SYN3: variants seen among roughly 807,000 people sequenced by gnomAD.
SYN3 encodes the protein synapsin III, also known as synapsin-3.
Under a neutral mutation model 65.8 loss-of-function variants are expected in SYN3, and 35 were observed. That is an observed-to-expected ratio of 0.53 (90% CI 0.41 to 0.70). The LOEUF is 0.70. SYN3 is among the 30% of genes least tolerant of loss of function. SYN3 has a pLI of 0.00. For missense variants in SYN3, 680 were observed against 749.0 expected (o/e 0.91, Z 1.08); for synonymous variants, 270 against 292.9 (o/e 0.92, Z 0.80).
In SYN3 at chr22:32,513,776, C is replaced by G; in HGVS notation, c.1659G>C (p.Gln553His). ...CCTCGTCTTCACTTGGGGTCCCACG[C>G]TGGGAGGTGTCGGATGTGCTGAGGC... is the stretch of plus-strand genomic sequence containing the variant. ...TNSLSTSDTS[Q>H]RGTPSEDEAK... The change falls in exon 14 of 14, where the codon CAG becomes CAC. Residue 553 changes from glutamine to histidine, a missense_variant. Coordinates refer to ENST00000358763, the MANE Select transcript of SYN3 (RefSeq NM_003490.4). 6.2e-7 allele frequency: 1 copy of G among 1,614,152 alleles called. No homozygotes were observed.
At chr22:32,854,872 C>T (rs2048322136) in intron 6 of SYN3, among the ~76,000 whole-genome samples, 1 of 151,984 alleles carries the variant, frequency 6.6e-6, no homozygotes, top group African/African-American at 2.4e-5. Flanking sequence ...GCAGGGGCGC[C>T]CAAACTCAGT....
intron 7 of SYN3, among the ~76,000 whole-genome samples, chr22:32,568,519 G>C (rs867148102): frequency 6.6e-6 from 1 of 152,176 alleles, no homozygotes; most frequent in African/African-American, 2.4e-5. Context: ...ATTTCTTACT[G>C]TTCTGGAGGC....
intron 6 of SYN3, among the ~76,000 whole-genome samples, chr22:32,849,294 A>T (rs1159597594): frequency 6.6e-6 from 1 of 152,122 alleles, no homozygotes; most frequent in African/African-American, 2.4e-5. Context: ...CACCCCAGGG[A>T]ATTCCCACTC....
intron 1 of SYN3, among the ~76,000 whole-genome samples, chr22:33,022,516 C>T (rs1404495872): frequency 6.6e-6 from 1 of 152,200 alleles, no homozygotes; most frequent in Non-Finnish European, 1.5e-5. Context: ...CATGCACTGT[C>T]TTTGATGAGT....
At chr22:32,810,877 G>T (rs11704261) in intron 6 of SYN3, among the ~76,000 whole-genome samples, 13,989 of 152,192 alleles carry the variant, frequency 0.092, 794 homozygotes, top group Admixed American at 0.16. Context: ...TCATGAATAA[G>T]CTCCCTGCCT....
chr22:32,533,878 T>C lies in SYN3; in HGVS notation c.1010A>G (p.Asp337Gly). The C allele has an allele frequency of 6.2e-7, 1 of 1,612,906 alleles. No homozygotes were observed. ...GCCGCCAAACATTTCCGAGCAGCTG[T>C]CCACCCACAGCCTGTACCTGCAGGG... ...AMTERYRLWV[D>G]SCSEMFGGLD... is the part of the protein sequence containing the mutation. The change falls in exon 10 of 14, where the codon GAC becomes GGC. Residue 337 changes from aspartate to glycine, a missense_variant. Coordinates refer to ENST00000358763, the MANE Select transcript of SYN3 (RefSeq NM_003490.4).
intron 6 of SYN3, among the ~76,000 whole-genome samples, chr22:32,686,741 G>A (rs1037540999): frequency 2.5e-4 from 38 of 151,664 alleles, no homozygotes; most frequent in African/African-American, 7.7e-4. Flanking sequence ...GATTACAGGC[G>A]CCCACCACCA....
At chr22:32,741,715 G>C (rs934069411) in intron 6 of SYN3, among the ~76,000 whole-genome samples, 9 of 152,056 alleles carry the variant, frequency 5.9e-5, no homozygotes, top group Admixed American at 3.9e-4. Flanking sequence ...CATAGGACAA[G>C]CTCTAAGAAT....
chr22:32,864,792 T>C (rs2048644666), intron 6 of SYN3, 123 bp downstream of exon 6: 6 of 871,158 alleles, frequency 6.9e-6, no homozygotes, highest in Middle Eastern at 3.0e-4. Flanking sequence ...GACTCCGCCT[T>C]AGAGTCTGCG....
At chr22:32,762,619 G>A (rs1000928291) in intron 6 of SYN3, among the ~76,000 whole-genome samples, 5 of 125,568 alleles carry the variant, frequency 4.0e-5, no homozygotes, top group Admixed American at 8.2e-5. Context: ...CATAAAGATG[G>A]CCAGGGTCGC....
At chr22:32,981,753 A>T (rs951533158) in intron 2 of SYN3, among the ~76,000 whole-genome samples, 1 of 152,190 alleles carries the variant, frequency 6.6e-6, no homozygotes, top group African/African-American at 2.4e-5. Flanking sequence ...ACCAATACGT[A>T]CCCCATAAAT....
intron 6 of SYN3, among the ~76,000 whole-genome samples, chr22:32,758,463 G>T (rs2045357469): frequency 6.6e-6 from 1 of 151,240 alleles, no homozygotes; most frequent in Non-Finnish European, 1.5e-5. Flanking sequence ...CTAATCATCT[G>T]CCAGTGAATA....
chr22:32,963,882 T>A (rs1484791456), intron 3 of SYN3, among the ~76,000 whole-genome samples: 1 of 152,184 alleles, frequency 6.6e-6, no homozygotes, highest in Non-Finnish European at 1.5e-5. Flanking sequence ...AATCTGGTTC[T>A]GTCCAATGAA....
intron 3 of SYN3, among the ~76,000 whole-genome samples, chr22:32,958,653 G>A (rs2051544734): frequency 6.6e-6 from 1 of 152,216 alleles, no homozygotes; most frequent in Admixed American, 6.5e-5. Context: ...GGCTTTGCAT[G>A]TAGTAATGAA....
chr22:32,867,526 GTATC>G (rs563446644), intron 5 of SYN3, among the ~76,000 whole-genome samples: 153 of 152,330 alleles, frequency 1.0e-3, no homozygotes, highest in Middle Eastern at 3.4e-3. Flanking sequence ...GTGGAGATAA[GTATC>G]TAGGAAAAAA....
In SYN3 at chr22:32,846,990, T is replaced by C. The variant is rs2048082929; in HGVS notation, c.711+17925A>G. Among the ~76,000 whole-genome samples, 2 of 152,224 alleles carry C rather than the reference T, an allele frequency of 1.3e-5. 1 individual carries two copies. The highest frequency in any genetic ancestry group is 4.1e-4 in the South Asian group (2 of 4,832). On this transcript the variant is annotated intron_variant, in intron 6 of 13. Transcript: ENST00000358763. ...AGTACTCAGCTTTATGGGGCAGGTC[T>C]GCTTGTGACATCTTCTGTCTAAATC...
chr22:32,915,043 A>G (rs1287677072), intron 4 of SYN3, among the ~76,000 whole-genome samples: 2 of 152,162 alleles, frequency 1.3e-5, no homozygotes, highest in Non-Finnish European at 2.9e-5. Flanking sequence ...TATTTTTTTA[A>G]AAGCAGGCTA....
rs115578484 is a variant in SYN3 at position 32,751,712 on chromosome 22, T to C, written c.711+113203A>G. ...CCAAGAGGACAAATTCTGGGAGACC[T>C]TGTGACAGGCCCTCTCAGAGCCGTT... is the stretch of plus-strand genomic sequence containing the variant. On this transcript the variant is annotated intron_variant, in intron 6 of 13. Coordinates refer to ENST00000358763, the MANE Select transcript of SYN3 (RefSeq NM_003490.4). Among the ~76,000 whole-genome samples the C allele has an allele frequency of 2.4e-3, 370 of 152,224 alleles. 2 individuals carry two copies. Among genetic ancestry groups the C allele is most frequent in the African/African-American group, 8.5e-3 (353 of 41,536 alleles).
rs543783976 is a variant in SYN3 at position 32,990,064 on chromosome 22, A to G, written c.312-9362T>C. Among the ~76,000 whole-genome samples the G allele has an allele frequency of 2.3e-4, 35 of 152,278 alleles. 1 individual carries two copies. The Middle Eastern group carries it at 0.017, about 74-fold the overall frequency. On this transcript the variant is annotated intron_variant, in intron 2 of 13. Transcript: ENST00000358763. ...ATCCCCACAGGAAAGGTAATATACT[A>G]AAAAGTAATTCATGCCAAGGTGCAA...
Sources: allele counts gnomAD v4.1 joint callset (sites outside exome capture counted in the v4.1 genomes callset), GRCh38; gene constraint gnomAD v4.1.1; transcripts MANE v1.5; gene names NCBI Gene and HGNC (gene_info 2026-07-23, HGNC 2026-07-21).